The following PLGRKT variants were observed in gnomAD, a reference collection of about 807,000 sequenced individuals.
PLGRKT encodes the protein plasminogen receptor with a C-terminal lysine.
Under a neutral mutation model 18.5 loss-of-function variants are expected in PLGRKT, and 22 were observed. That is an observed-to-expected ratio of 1.19 (90% CI 0.85 to 1.70). PLGRKT has a LOEUF of 1.70. PLGRKT is among the 40% of genes most tolerant of loss of function. PLGRKT has a pLI of 0.00. For missense variants in PLGRKT, 235 were observed against 174.4 expected, an observed-to-expected ratio of 1.35 and a Z score of -1.96; for synonymous variants, 72 against 52.8, an observed-to-expected ratio of 1.36 and a Z score of -1.58.
intron 3 of PLGRKT, among the ~76,000 whole-genome samples, chr9:5,430,052 G>A (rs1818790164): frequency 6.6e-6 from 1 of 152,200 alleles, no homozygotes; most frequent in Non-Finnish European, 1.5e-5. Flanking sequence ...CAAATCCACT[G>A]AGTGCATAGC....
chr9:5,396,239 C>T (rs1348048279), intron 3 of PLGRKT, among the ~76,000 whole-genome samples: 3 of 151,696 alleles, frequency 2.0e-5, no homozygotes. Flanking sequence ...AAGACTCTCT[C>T]AAGTGGATTT....
chr9:5,391,081 T>A (rs1817941162), intron 3 of PLGRKT, among the ~76,000 whole-genome samples: 1 of 151,944 alleles, frequency 6.6e-6, no homozygotes, highest in South Asian at 2.1e-4. Flanking sequence ...GCCAGAAAAG[T>A]ACTTTGCGGA....
intron 3 of PLGRKT, among the ~76,000 whole-genome samples, chr9:5,365,353 T>C (rs1053087295): frequency 2.6e-5 from 4 of 152,172 alleles, no homozygotes; most frequent in Non-Finnish European, 2.9e-5. Flanking sequence ...TAGTGTTGGA[T>C]TATAACCTAA....
intron 3 of PLGRKT, among the ~76,000 whole-genome samples, chr9:5,410,057 A>G (rs1818333000): frequency 1.3e-5 from 2 of 152,186 alleles, no homozygotes; most frequent in Non-Finnish European, 1.5e-5. Context: ...ATAAAATAAT[A>G]TTTTGACTTT....
intron 3 of PLGRKT, among the ~76,000 whole-genome samples, chr9:5,421,478 C>A (rs1243638073): frequency 1.3e-5 from 2 of 152,230 alleles, no homozygotes; most frequent in East Asian, 3.8e-4. Flanking sequence ...TGTGTTCCCA[C>A]TGGAGTGTAA....
intron 3 of PLGRKT, among the ~76,000 whole-genome samples, chr9:5,402,719 T>C (rs1007338229): frequency 2.6e-5 from 4 of 151,972 alleles, no homozygotes; most frequent in African/African-American, 9.7e-5. Flanking sequence ...TTATGTCAAA[T>C]AGTGATCTGA....
intron 3 of PLGRKT, among the ~76,000 whole-genome samples, chr9:5,381,166 G>A (rs1817736840): frequency 6.6e-6 from 1 of 152,198 alleles, no homozygotes; most frequent in Admixed American, 6.5e-5. Flanking sequence ...CAGAAAATTG[G>A]TAGTGGGAGT....
At position 5,402,886 on chromosome 9, in the gene PLGRKT, A is replaced by G. The variant is rs576563034; in HGVS notation, c.81+29011T>C. The stretch of plus-strand genomic sequence containing the variant: ...AATCAGAATTAGTTGTAAAGTAAAT[A>G]CTAAGTATTGAAACAGAAGGCAAAT... On this transcript the variant is annotated intron_variant, in intron 3 of 5. Coordinates refer to ENST00000223864, the MANE Select transcript of PLGRKT (RefSeq NM_018465.4). 2.7e-4 allele frequency among the ~76,000 whole-genome samples: 41 copies of G among 152,080 alleles called. No homozygotes were observed. In the South Asian group the frequency reaches 8.1e-3, roughly 30 times the overall value.
chr9:5,384,662 T>C (rs768652965), intron 3 of PLGRKT, among the ~76,000 whole-genome samples: 2 of 152,030 alleles, frequency 1.3e-5, no homozygotes, highest in African/African-American at 4.8e-5. Context: ...AGAATGACCA[T>C]GTAAACATGA....
chr9:5,365,821 A>C (rs1817373581), intron 3 of PLGRKT, among the ~76,000 whole-genome samples: 1 of 152,128 alleles, frequency 6.6e-6, no homozygotes, highest in African/African-American at 2.4e-5. Context: ...CTACTCTCAA[A>C]TTTAAGTATA....
At chr9:5,429,466 A>G (rs1417920726) in intron 3 of PLGRKT, among the ~76,000 whole-genome samples, 1 of 152,246 alleles carries the variant, frequency 6.6e-6, no homozygotes, top group Non-Finnish European at 1.5e-5. Context: ...GGAGAAATCT[A>G]AAATCAAGGT....
At chr9:5,426,555 T>C (rs886222845) in intron 3 of PLGRKT, among the ~76,000 whole-genome samples, 2 of 152,192 alleles carry the variant, frequency 1.3e-5, no homozygotes, top group African/African-American at 4.8e-5. Flanking sequence ...CCCCTGTTCA[T>C]CCTTTCTTGA....
At chr9:5,435,321 T>TAAAAAAAAAAAAAA (rs61099125) in intron 2 of PLGRKT, among the ~76,000 whole-genome samples, 1 of 127,764 alleles carries the variant, frequency 7.8e-6, no homozygotes, top group Non-Finnish European at 1.6e-5. Context: ...CAATAAATAC[T>TAAAAAAAAAAAAAA]AAAAAAAAAA....
At position 5,398,729 on chromosome 9, in the gene PLGRKT, A is replaced by T. The variant is rs561618654; in HGVS notation, c.81+33168T>A. 2.6e-5 allele frequency among the ~76,000 whole-genome samples: 4 copies of T among 152,016 alleles called. No homozygotes were observed. The South Asian group carries it at 8.3e-4, about 32-fold the overall frequency. Reference sequence around the variant, plus strand: ...CATCATAAAGCTTTGAGGAAATTATATCATGTTTAAAAACTTTTTAAAAGA... The same window carrying T: ...CATCATAAAGCTTTGAGGAAATTATTTCATGTTTAAAAACTTTTTAAAAGA... On this transcript the variant is annotated intron_variant, in intron 3 of 5. Transcript: ENST00000223864.
At chr9:5,366,068 T>C (rs1003876381) in intron 3 of PLGRKT, among the ~76,000 whole-genome samples, 2 of 152,194 alleles carry the variant, frequency 1.3e-5, no homozygotes, top group African/African-American at 2.4e-5. Context: ...TAAAATGTTA[T>C]TAACTATTCT....
intron 3 of PLGRKT, among the ~76,000 whole-genome samples, chr9:5,388,923 T>G (rs1817894614): frequency 6.6e-6 from 1 of 152,076 alleles, no homozygotes; most frequent in Non-Finnish European, 1.5e-5. Context: ...TTTATGATAT[T>G]GTCATGATAT....
chr9:5,396,249 T>C (rs1448959460), intron 3 of PLGRKT, among the ~76,000 whole-genome samples: 1 of 151,808 alleles, frequency 6.6e-6, no homozygotes, highest in Non-Finnish European at 1.5e-5. Context: ...CAAGTGGATT[T>C]TGGACACTAA....
At chr9:5,391,457 A>T (rs1179598823) in intron 3 of PLGRKT, among the ~76,000 whole-genome samples, 3 of 151,970 alleles carry the variant, frequency 2.0e-5, no homozygotes, top group African/African-American at 7.3e-5. Context: ...ATTCCATAAA[A>T]TTAGTTTGTT....
chr9:5,367,062 CACA>C (rs534395560), intron 3 of PLGRKT, among the ~76,000 whole-genome samples: 3 of 149,740 alleles, frequency 2.0e-5, no homozygotes, highest in Non-Finnish European at 3.0e-5. Flanking sequence ...CACACACACA[CACA>C]CACCCCTAGG....
Sources: allele counts gnomAD v4.1 joint callset (sites outside exome capture counted in the v4.1 genomes callset), GRCh38; gene constraint gnomAD v4.1.1; transcripts MANE v1.5; gene names NCBI Gene and HGNC (gene_info 2026-07-23, HGNC 2026-07-21).